The following NRXN3 variants were observed in gnomAD, a reference collection of about 807,000 sequenced individuals.
NRXN3 encodes neurexin 3.
In NRXN3, 32 loss-of-function variants were observed where a neutral mutation model predicts 137.6. That is an observed-to-expected ratio of 0.23 (90% CI 0.18 to 0.31). The LOEUF (loss-of-function observed/expected upper bound fraction) is 0.31, where lower values mean the gene tolerates loss of function less well. Among genes scored for constraint, NRXN3 ranks in the 10% least tolerant of loss-of-function variants. The pLI, the probability that NRXN3 is intolerant of heterozygous loss-of-function variation, is 1.00. For missense variants in NRXN3, 1,574 were observed against 2,062.5 expected, an observed-to-expected ratio of 0.76 and a Z score of 4.59; for synonymous variants, 798 against 784.5, an observed-to-expected ratio of 1.02 and a Z score of -0.29.
intron 8 of NRXN3, among the ~76,000 whole-genome samples, chr14:78,763,537 C>A (rs1352330859): frequency 6.6e-6 from 1 of 151,732 alleles, no homozygotes; most frequent in East Asian, 1.9e-4. Context: ...TAGCTAAATA[C>A]CAAGCACTGT....
chr14:78,757,995 T>C (rs2152967885), intron 8 of NRXN3, among the ~76,000 whole-genome samples: 1 of 152,330 alleles, frequency 6.6e-6, no homozygotes. Flanking sequence ...GGGAAATAAT[T>C]ATTTTCAGGA....
chr14:78,903,204 A>G (rs2152749668), intron 10 of NRXN3, among the ~76,000 whole-genome samples: 1 of 136,000 alleles, frequency 7.4e-6, no homozygotes, highest in South Asian at 2.3e-4. Flanking sequence ...GTTGGATTGC[A>G]GTGGTGTGAT....
chr14:78,639,301 G>C (rs77936402), intron 4 of NRXN3, among the ~76,000 whole-genome samples: 1 of 152,194 alleles, frequency 6.6e-6, no homozygotes, highest in African/African-American at 2.4e-5. Flanking sequence ...AAGGACAAAG[G>C]CTGCATGCTA....
chr14:79,775,718 G>A (rs2099094920), intron 19 of NRXN3, among the ~76,000 whole-genome samples: 1 of 152,132 alleles, frequency 6.6e-6, no homozygotes, highest in Admixed American at 6.6e-5. Flanking sequence ...AGACAGTACT[G>A]AGACACTAAG....
rs144666202 is a variant in NRXN3, at chr14:79,229,977, C to T, written c.3263-237244C>T. Among the ~76,000 whole-genome samples, 6 of 152,238 alleles carry T rather than the reference C, an allele frequency of 3.9e-5. No individual in the cohort carries two copies. The East Asian group carries it at 9.7e-4, about 25-fold the overall frequency. ...CTGTGAGGAAACATCTTTAAATGAA[C>T]ACCTTAGTAGAGAATGATCCTGTTA... On this transcript the variant is annotated intron_variant, in intron 15 of 20. Transcript: ENST00000335750.
At chr14:78,519,370 G>A (rs2096255449) in intron 4 of NRXN3, among the ~76,000 whole-genome samples, 1 of 152,238 alleles carries the variant, frequency 6.6e-6, no homozygotes, top group African/African-American at 2.4e-5. Flanking sequence ...CATTGTGGTA[G>A]ATGTGTGCAC....
chr14:79,747,621 C>T (rs573630662), intron 19 of NRXN3, among the ~76,000 whole-genome samples: 19 of 152,118 alleles, frequency 1.2e-4, no homozygotes, highest in African/African-American at 3.4e-4. Context: ...CCTAACTCAG[C>T]CAATTGATGT....
intron 16 of NRXN3, among the ~76,000 whole-genome samples, chr14:79,548,755 A>AC (rs1161781995): frequency 1.3e-5 from 2 of 151,574 alleles, no homozygotes; most frequent in African/African-American, 4.9e-5. Context: ...ATTAAAAAAA[A>AC]AAAAAACAAA....
chr14:79,417,315 T>C (rs1206832005), intron 15 of NRXN3, among the ~76,000 whole-genome samples: 2 of 152,188 alleles, frequency 1.3e-5, no homozygotes, highest in Non-Finnish European at 2.9e-5. Context: ...TTTTTATTAA[T>C]TAAACCTGCC....
chr14:79,816,839 G>T (rs904006469), intron 20 of NRXN3, among the ~76,000 whole-genome samples: 1 of 152,130 alleles, frequency 6.6e-6, no homozygotes, highest in Admixed American at 6.6e-5. Context: ...AACAGCATGA[G>T]AACCATAGTA....
At chr14:79,553,345 G>A (rs1176264154) in intron 16 of NRXN3, among the ~76,000 whole-genome samples, 1 of 152,062 alleles carries the variant, frequency 6.6e-6, no homozygotes, top group Non-Finnish European at 1.5e-5. Context: ...CAAAAAGAAA[G>A]AAAATAAAGA....
rs1229616149 is a variant in NRXN3, at chr14:78,645,147, G to A, written c.785G>A (p.Arg262Gln). 1.9e-6 allele frequency: 3 copies of A among 1,574,166 alleles called. No individual in the cohort carries two copies. The highest frequency in any genetic ancestry group is 1.7e-6 in the Non-Finnish European group (2 of 1,166,620). The change falls in exon 5 of 21, where the codon CGA becomes CAA. Residue 262 changes from arginine to glutamine, a missense_variant. Physicochemically the swap from Arg to Gln is conservative, Grantham distance 43. Around this residue, in one of 5 missense-constraint regions of NRXN3, gnomAD observed 400 missense variants for 527.3 expected, o/e 0.76. Transcript: ENST00000335750. ...CGAGAGGAGAATGTGGCCACTTTCC[G>A]AGGCTCAGAGTATCTGTGCTACGAC... ...QAREENVATFRGSEYLCYDLS... is the reference protein window; with the variant it reads ...QAREENVATFQGSEYLCYDLS...
At chr14:79,304,393 G>A (rs2153224942) in intron 15 of NRXN3, among the ~76,000 whole-genome samples, 1 of 152,124 alleles carries the variant, frequency 6.6e-6, no homozygotes, top group Non-Finnish European at 1.5e-5. Context: ...GTATGTTAGT[G>A]AGCAACAGTA....
intron 16 of NRXN3, among the ~76,000 whole-genome samples, chr14:79,489,883 CA>C (rs1283854100): frequency 6.6e-6 from 1 of 151,224 alleles, no homozygotes; most frequent in Non-Finnish European, 1.5e-5. Flanking sequence ...ACTAAAAATA[CA>C]AAAAATTAGC....
chr14:79,225,749 T>C (rs954186430), intron 15 of NRXN3, among the ~76,000 whole-genome samples: 13 of 152,204 alleles, frequency 8.5e-5, no homozygotes, highest in African/African-American at 2.4e-4. Context: ...TTCTGGTGTC[T>C]CTGAGGCAAA....
At chr14:78,433,901 G>C (rs1416526077) in intron 4 of NRXN3, among the ~76,000 whole-genome samples, 1 of 152,142 alleles carries the variant, frequency 6.6e-6, no homozygotes, top group Admixed American at 6.5e-5. Flanking sequence ...TGAAGTTACT[G>C]ATGCTCCTTG....
At chr14:78,936,043 A>C (rs932717427) in intron 10 of NRXN3, among the ~76,000 whole-genome samples, 1 of 152,152 alleles carries the variant, frequency 6.6e-6, no homozygotes, top group African/African-American at 2.4e-5. Context: ...CATTCTTTTT[A>C]AATTCACCTT....
intron 17 of NRXN3, among the ~76,000 whole-genome samples, chr14:79,669,833 A>C: frequency 6.6e-6 from 1 of 152,016 alleles, no homozygotes; most frequent in East Asian, 1.9e-4. Flanking sequence ...TACATTGTAA[A>C]TTGAGAAACA....
chr14:79,661,566 G>A (rs1335983405), intron 16 of NRXN3: 1 of 152,044 alleles, frequency 6.6e-6, no homozygotes, highest in Non-Finnish European at 1.5e-5. Context: ...CCTCCCTCCA[G>A]AACTCTTAAT....
Sources: gnomAD v4.1 joint callset for allele counts (sites outside exome capture counted in the v4.1 genomes callset) on GRCh38, gnomAD v4.1.1 for gene constraint, gnomAD v4.1.1 regional missense constraint, MANE v1.5 for transcripts, NCBI Gene and HGNC (gene_info 2026-07-23, HGNC 2026-07-21) for gene names.